RAB3C: variants seen among roughly 807,000 people sequenced by gnomAD.
RAB3C encodes ras-related protein Rab-3C.
RAB3C carries 17 observed loss-of-function variants against 26.4 expected under a neutral mutation model. The ratio of observed to expected loss-of-function variants is 0.64; its 90% CI spans 0.44 to 0.97. RAB3C has a LOEUF of 0.97. Among genes scored for constraint, RAB3C ranks in the 50% least tolerant of loss-of-function variants. RAB3C has a pLI of 0.00. For synonymous variants in RAB3C, 91 were observed against 95.9 expected (o/e 0.95, Z 0.30); for missense variants, 242 against 281.9 (o/e 0.86, Z 1.01).
intron 3 of RAB3C, among the ~76,000 whole-genome samples, chr5:58,800,386 A>T (rs1443667248): frequency 2.0e-5 from 3 of 152,240 alleles, no homozygotes; most frequent in African/African-American, 7.2e-5. Context: ...TAGTGGTGTC[A>T]TTAGCAATTT....
chr5:58,612,538 ATATATATATG>A (rs1179092217), intron 1 of RAB3C, among the ~76,000 whole-genome samples: 2,068 of 64,424 alleles, frequency 0.032, 21 homozygotes, highest in African/African-American at 0.058. Flanking sequence ...ATATATATAT[ATATATATATG>A]TATATATATA....
intron 3 of RAB3C, among the ~76,000 whole-genome samples, chr5:58,809,400 A>G (rs1397619582): frequency 6.6e-6 from 1 of 152,050 alleles, no homozygotes; most frequent in Non-Finnish European, 1.5e-5. Context: ...AAAAAAAAAA[A>G]AAACCTTAGC....
chr5:58,623,391 A>C (rs1444715298), intron 2 of RAB3C, among the ~76,000 whole-genome samples: 1 of 152,198 alleles, frequency 6.6e-6, no homozygotes, highest in Non-Finnish European at 1.5e-5. Context: ...TAAGGAAACA[A>C]CACTTTCTGC....
intron 3 of RAB3C, among the ~76,000 whole-genome samples, chr5:58,803,086 T>C (rs1579926674): frequency 6.6e-6 from 1 of 152,208 alleles, no homozygotes; most frequent in African/African-American, 2.4e-5. Flanking sequence ...TATAGCCATA[T>C]TGAGCTATGT....
At chr5:58,784,512 G>T (rs1402346351) in intron 3 of RAB3C, among the ~76,000 whole-genome samples, 2 of 152,134 alleles carry the variant, frequency 1.3e-5, no homozygotes, top group Non-Finnish European at 2.9e-5. Context: ...TACAAATCAA[G>T]ATGAGATTTG....
At chr5:58,610,979 T>C (rs577846190) in intron 1 of RAB3C, among the ~76,000 whole-genome samples, 3 of 152,264 alleles carry the variant, frequency 2.0e-5, no homozygotes, top group Non-Finnish European at 4.4e-5. Flanking sequence ...ATCATTTAGC[T>C]ACCACTCGTA....
rs989013197 is a variant in RAB3C, at chr5:58,583,844, T to G, written c.24+612T>G. 4.6e-5 allele frequency among the ~76,000 whole-genome samples: 7 copies of G among 152,214 alleles called. No homozygotes were observed. The South Asian group carries it at 1.4e-3, about 31-fold the overall frequency. On this transcript the variant is annotated intron_variant, in intron 1 of 4. Transcript: ENST00000282878. Reference sequence around the variant, plus strand: ...ACTCTGTTTTGGAGACAGCCCCCTCTGAGCTTTCCTGTGTTATGTGCCCAT... The same window carrying G: ...ACTCTGTTTTGGAGACAGCCCCCTCGGAGCTTTCCTGTGTTATGTGCCCAT...
chr5:58,774,925 A>G (rs1428613756), intron 3 of RAB3C, among the ~76,000 whole-genome samples: 2 of 152,126 alleles, frequency 1.3e-5, no homozygotes, highest in African/African-American at 4.8e-5. Flanking sequence ...GGCCTTGTGA[A>G]GCATCGTGAC....
At chr5:58,806,992 G>A (rs1742955345) in intron 3 of RAB3C, among the ~76,000 whole-genome samples, 1 of 152,180 alleles carries the variant, frequency 6.6e-6, no homozygotes, top group East Asian at 1.9e-4. Flanking sequence ...AATTGGAAAT[G>A]CGTTGGTGAC....
chr5:58,758,828 G>A (rs1420986480), intron 3 of RAB3C, among the ~76,000 whole-genome samples: 2 of 152,106 alleles, frequency 1.3e-5, no homozygotes, highest in African/African-American at 2.4e-5. Context: ...TGTTTGAGTG[G>A]TGCTTCACTG....
intron 2 of RAB3C, among the ~76,000 whole-genome samples, chr5:58,625,856 CA>C (rs11396391): frequency 1.0e-3 from 124 of 122,362 alleles, no homozygotes; most frequent in Middle Eastern, 4.4e-3. Context: ...GACTCTGTCT[CA>C]AAAAAAAAAA....
chr5:58,830,602 C>T (rs971417111), intron 4 of RAB3C, among the ~76,000 whole-genome samples: 3 of 152,178 alleles, frequency 2.0e-5, no homozygotes, highest in Admixed American at 6.5e-5. Flanking sequence ...CTCTAAGATT[C>T]TCTGATTCAC....
chr5:58,837,557 C>CTTTTTTT (rs36020735), intron 4 of RAB3C, among the ~76,000 whole-genome samples: 1 of 118,898 alleles, frequency 8.4e-6, no homozygotes, highest in Non-Finnish European at 1.7e-5. Flanking sequence ...TTCAGTCTCT[C>CTTTTTTT]TTTTTTTTTT....
At chr5:58,790,415 AG>A (rs1427656402) in intron 3 of RAB3C, among the ~76,000 whole-genome samples, 1 of 152,172 alleles carries the variant, frequency 6.6e-6, no homozygotes, top group Non-Finnish European at 1.5e-5. Context: ...TGAATGCCAA[AG>A]GAAGACAATG....
At chr5:58,587,359 C>T (rs1459254391) in intron 1 of RAB3C, among the ~76,000 whole-genome samples, 1 of 152,018 alleles carries the variant, frequency 6.6e-6, no homozygotes, top group East Asian at 1.9e-4. Context: ...AGCAGCTGGG[C>T]CACCTCAAAA....
intron 3 of RAB3C, among the ~76,000 whole-genome samples, chr5:58,811,879 GC>G (rs916175608): frequency 6.6e-6 from 1 of 150,692 alleles, no homozygotes; most frequent in African/African-American, 2.4e-5. Context: ...CCTTCTGAAA[GC>G]CCCCCAGCTC....
At chr5:58,623,576 C>G (rs889486886) in intron 2 of RAB3C, among the ~76,000 whole-genome samples, 3 of 152,196 alleles carry the variant, frequency 2.0e-5, no homozygotes, top group African/African-American at 7.2e-5. Flanking sequence ...AAAGCTGATA[C>G]TGTGTCTGAA....
chr5:58,817,620 A>G (rs1395195604), intron 3 of RAB3C, among the ~76,000 whole-genome samples: 2 of 152,172 alleles, frequency 1.3e-5, no homozygotes, highest in Non-Finnish European at 2.9e-5. Flanking sequence ...ATTATTTAGA[A>G]ACTAGAAAGA....
chr5:58,584,040 T>A (rs1032680456), intron 1 of RAB3C, among the ~76,000 whole-genome samples: 1 of 152,218 alleles, frequency 6.6e-6, no homozygotes, highest in South Asian at 2.1e-4. Flanking sequence ...ACGTTAAACA[T>A]CAGCTTGTGT....
Sources: allele counts gnomAD v4.1 joint callset (sites outside exome capture counted in the v4.1 genomes callset), GRCh38; gene constraint gnomAD v4.1.1; transcripts MANE v1.5; gene names NCBI Gene and HGNC (gene_info 2026-07-23, HGNC 2026-07-21).